DOK7: variants seen among roughly 807,000 people sequenced by gnomAD.
DOK7 encodes protein Dok-7.
Under a neutral mutation model 30.7 loss-of-function variants are expected in DOK7, and 32 were observed. That is an observed-to-expected ratio of 1.04 (90% CI 0.79 to 1.40). The LOEUF (loss-of-function observed/expected upper bound fraction) is 1.40. DOK7 is among the 40% of genes most tolerant of loss of function. DOK7 has a pLI of 0.00. For synonymous variants in DOK7, 447 were observed against 324.1 expected (o/e 1.38, Z -4.07); for missense variants, 1,007 against 699.2 (o/e 1.44, Z -4.97).
downstream of DOK7, among the ~76,000 whole-genome samples, chr4:3,496,284 G>A (rs1213994369): frequency 2.6e-5 from 4 of 152,230 alleles, no homozygotes; most frequent in Non-Finnish European, 5.9e-5. Context: ...AGGGAACTTT[G>A]CTCATCTCAT....
At chr4:3,479,603 C>T (rs1057073903) in intron 4 of DOK7, among the ~76,000 whole-genome samples, 25 of 152,362 alleles carry the variant, frequency 1.6e-4, no homozygotes, top group African/African-American at 5.5e-4. Context: ...CACTTGGCCC[C>T]GCCACAGCCA....
intron 4 of DOK7, chr4:3,484,500 CGCCAGCCGGAGTGTCCAGCCGGGTGCA>C: frequency 1.0e-6 from 1 of 985,514 alleles, no homozygotes; most frequent in Non-Finnish European, 1.2e-6. Flanking sequence ...TGTGAGGTGA[CGCCAGCCGGAGTGTCCAGCCGGGTGCA>C]GCCAGCCCAG....
intron 6 of DOK7, among the ~76,000 whole-genome samples, chr4:3,499,715 G>A (rs11736835): frequency 0.41 from 62,790 of 151,610 alleles, 13,800 homozygotes; most frequent in East Asian, 0.67. Context: ...TGGAGGGGAT[G>A]CAGAGGGAGC....
chr4:3,474,718 A>G (rs1181126115), intron 3 of DOK7, among the ~76,000 whole-genome samples: 1 of 152,128 alleles, frequency 6.6e-6, no homozygotes, highest in African/African-American at 2.4e-5. Flanking sequence ...GCTACTCAGG[A>G]GGCTGAGACA....
At position 3,494,024 on chromosome 4, in the gene DOK7, T is replaced by G; in HGVS notation, c.*523T>G. 1.0e-6 allele frequency: 1 copy of G among 989,682 alleles called. No homozygotes were observed. The highest frequency in any genetic ancestry group is 1.2e-6 in the Non-Finnish European group (1 of 833,018). The allele number at this position is 989,682 out of a possible 1,614,324, so 61.3% of individuals were successfully genotyped here. A position where few individuals can be genotyped will look rare whatever the true frequency, so the allele number is the denominator to read the frequency against. ...TGGGCTCCGTGTGCGCTGGGCCTCA[T>G]CCCCATCTATGGGAGGAAACTGAAG... On this transcript the variant is annotated 3_prime_UTR_variant, in exon 7 of 7. Transcript: ENST00000340083.
intron 2 of DOK7, among the ~76,000 whole-genome samples, chr4:3,468,744 ATG>A (rs200885245): frequency 0.023 from 2,183 of 94,234 alleles, 25 homozygotes; most frequent in African/African-American, 0.06. Context: ...CTGCCTGTGT[ATG>A]TGTCTGTGTG....
At chr4:3,495,796 A>T (rs3993723), downstream of DOK7, among the ~76,000 whole-genome samples, 6 of 151,938 alleles carry the variant, frequency 3.9e-5, no homozygotes, top group East Asian at 3.9e-4. Flanking sequence ...GCCTGCCCCC[A>T]CCGGGAGCAG....
exon 8 of DOK7, chr4:3,500,711 C>T (rs185634363): frequency 4.1e-5 from 63 of 1,535,826 alleles, no homozygotes; most frequent in South Asian, 2.3e-4. Flanking sequence ...CCTCCCTCTA[C>T]GCCCAGATCG....
At chr4:3,481,839 CTCAAGCCGGT>C (rs1256013775) in intron 4 of DOK7, among the ~76,000 whole-genome samples, 2 of 152,178 alleles carry the variant, frequency 1.3e-5, no homozygotes, top group African/African-American at 4.8e-5. Context: ...CATTTTCTTT[CTCAAGCCGGT>C]GAGTCCTGGA....
At chr4:3,466,982 A>T (rs1264190795) in intron 2 of DOK7, among the ~76,000 whole-genome samples, 1 of 152,170 alleles carries the variant, frequency 6.6e-6, no homozygotes, top group East Asian at 1.9e-4. Context: ...CCGAGGAGGC[A>T]TCAGCAGGCC....
intron 2 of DOK7, among the ~76,000 whole-genome samples, chr4:3,466,448 G>A (rs2109318034): frequency 6.6e-6 from 1 of 152,354 alleles, no homozygotes; most frequent in South Asian, 2.1e-4. Context: ...GGGGCTGGGG[G>A]TGGACACTGG....
intron 2 of DOK7, among the ~76,000 whole-genome samples, chr4:3,471,205 C>G (rs1726740149): frequency 2.6e-5 from 4 of 152,240 alleles, no homozygotes; most frequent in Admixed American, 2.6e-4. Context: ...AATATGCAAG[C>G]ATGTATTGAG....
chr4:3,493,252 A>G lies in DOK7; in HGVS notation c.1266A>G (p.Ser422=). ...CTCCTAGAGACCACAGCCCCCCCTCACAGGGCAGCCCCGGCAACAGTGCGG... is the reference window on the plus strand; with the variant it reads ...CTCCTAGAGACCACAGCCCCCCCTCGCAGGGCAGCCCCGGCAACAGTGCGG... ...CLAPRDHSPP[S]QGSPGNSAAR... Residue 422 remains serine (S), a synonymous_variant, in exon 7 of 7, where the codon TCA becomes TCG. Coordinates refer to ENST00000340083, the MANE Select transcript of DOK7 (RefSeq NM_173660.5). 1.2e-6 allele frequency: 2 copies of G among 1,611,712 alleles called. No homozygotes were observed. Among genetic ancestry groups the G allele is most frequent in the Non-Finnish European group, 1.7e-6 (2 of 1,179,582 alleles).
At chr4:3,469,990 C>G (rs932660701) in intron 2 of DOK7, among the ~76,000 whole-genome samples, 2 of 152,124 alleles carry the variant, frequency 1.3e-5, no homozygotes, top group African/African-American at 4.8e-5. Flanking sequence ...TTCCTGTGGC[C>G]GACAGAAGAA....
intron 4 of DOK7, among the ~76,000 whole-genome samples, chr4:3,483,966 G>A (rs1040177909): frequency 2.0e-5 from 3 of 152,186 alleles, no homozygotes; most frequent in East Asian, 1.9e-4. Flanking sequence ...GGATGGCATC[G>A]CAGCGGGCAT....
In DOK7 at chr4:3,473,601, C is replaced by A; in HGVS notation, c.296C>A (p.Ala99Glu). The A allele has an allele frequency of 1.9e-6, 3 of 1,601,886 alleles. No individual in the cohort carries two copies. Among genetic ancestry groups the A allele is most frequent in the Non-Finnish European group, 2.6e-6 (3 of 1,173,712 alleles). ...LGFDSHEAMC[A>E]WDARIRYALG... ...TTTGACAGCCACGAGGCCATGTGTG[C>A]GTGGGATGCCCGGATCCGCTATGCG... Residue 99 changes from alanine (A) to glutamate (E), a missense_variant, in exon 3 of 7, where the codon GCG becomes GAG. By Grantham distance (107) the Ala-to-Glu change is moderately radical (BLOSUM62 -1). Transcript: ENST00000340083.
At chr4:3,496,590 C>T (rs1295761009), downstream of DOK7, among the ~76,000 whole-genome samples, 1 of 152,214 alleles carries the variant, frequency 6.6e-6, no homozygotes, top group African/African-American at 2.4e-5. Flanking sequence ...TGGGGGCTAC[C>T]ACCAGGCTGG....
chr4:3,497,288 G>A (rs1728963959), downstream of DOK7, among the ~76,000 whole-genome samples: 1 of 152,090 alleles, frequency 6.6e-6, no homozygotes, highest in African/African-American at 2.4e-5. Context: ...GCTCAGGGAG[G>A]AGGGGCTGTG....
intron 2 of DOK7, among the ~76,000 whole-genome samples, chr4:3,471,237 C>A (rs1443388588): frequency 6.6e-6 from 1 of 152,228 alleles, no homozygotes; most frequent in African/African-American, 2.4e-5. Context: ...CACAGGGCCT[C>A]CACACCTTCC....
Sources: gnomAD v4.1 joint callset for allele counts (sites outside exome capture counted in the v4.1 genomes callset) on GRCh38, gnomAD v4.1.1 for gene constraint, MANE v1.5 for transcripts, NCBI Gene and HGNC (gene_info 2026-07-23, HGNC 2026-07-21) for gene names.